SPDEF: variants seen among roughly 807,000 people sequenced by gnomAD.
The protein encoded by SPDEF is SAM pointed domain containing ETS transcription factor, also known as SAM pointed domain-containing Ets transcription factor.
In SPDEF, 12 loss-of-function variants were observed where a neutral mutation model predicts 36.0. The ratio of observed to expected loss-of-function variants is 0.33; its 90% CI spans 0.21 to 0.54. The LOEUF (loss-of-function observed/expected upper bound fraction) is 0.54, where lower values mean the gene tolerates loss of function less well. SPDEF is among the 20% of genes least tolerant of loss of function. The pLI, the probability that SPDEF is intolerant of heterozygous loss-of-function variation, is 0.93. For synonymous variants in SPDEF, 205 were observed against 193.0 expected (o/e 1.06, Z -0.51); for missense variants, 388 against 456.9 (o/e 0.85, Z 1.37).
At chr6:34,541,540 G>A (rs1767823155) in intron 2 of SPDEF, among the ~76,000 whole-genome samples, 2 of 152,150 alleles carry the variant, frequency 1.3e-5, no homozygotes, top group South Asian at 2.1e-4. Flanking sequence ...GAAACACCTG[G>A]GCTTCTCCAT....
Position 34,538,471 on chromosome 6 carries a change from G to A in SPDEF, c.830-19C>T, listed in dbSNP as rs373730176. 63 of 1,598,992 alleles carry A rather than the reference G, an allele frequency of 3.9e-5. No individual in the cohort carries two copies. Among genetic ancestry groups the A allele is most frequent in the South Asian group, 1.0e-4 (9 of 89,728 alleles). On this transcript the variant is annotated intron_variant, in intron 5 of 5. Coordinates refer to ENST00000374037, the MANE Select transcript of SPDEF (RefSeq NM_012391.3). The surrounding 1 kb of genome is among the most constrained non-coding windows in gnomAD (Gnocchi z 5.9). ...AAGATGCCTAGAGCAGGAGGGCCCC[G>A]AGAGAGCCAGTGGTATGAGTGAGGT...
At position 34,539,640 on chromosome 6, in the gene SPDEF, G is replaced by T; in HGVS notation, c.635-78C>A. ...GGAGGGGAGGCGTTTGGGTGGGACT[G>T]TGGGGCCACAGGAGCCCCTCTGTGG... On this transcript the variant is annotated intron_variant, in intron 3 of 5. Coordinates refer to ENST00000374037, the MANE Select transcript of SPDEF (RefSeq NM_012391.3). The surrounding 1 kb of genome is among the most constrained non-coding windows in gnomAD (Gnocchi z 5.2). 6.7e-7 allele frequency: 1 copy of T among 1,489,932 alleles called. No homozygotes were observed. The highest frequency in any genetic ancestry group is 9.1e-7 in the Non-Finnish European group (1 of 1,094,054). The allele number at this position is 1,489,932 out of a possible 1,614,324, so 92.3% of individuals were successfully genotyped here. A position where few individuals can be genotyped will look rare whatever the true frequency, so the allele number is the denominator to read the frequency against.
At position 34,538,169 on chromosome 6, in the gene SPDEF, G is replaced by T; in HGVS notation, c.*105C>A. The stretch of plus-strand genomic sequence containing the variant: ...TGACCTTGGGCTCTGGAAGGTCAGA[G>T]CAGCAGAGCAGACTGCCCGTTTTCC... On this transcript the variant is annotated 3_prime_UTR_variant, in exon 6 of 6. Coordinates refer to ENST00000374037, the MANE Select transcript of SPDEF (RefSeq NM_012391.3). This position sits in a 1 kb window ranked among gnomAD's most constrained non-coding sequence, Gnocchi z 5.9. 7.8e-7 allele frequency: 1 copy of T among 1,286,892 alleles called. No individual in the cohort carries two copies. The highest frequency in any genetic ancestry group is 1.1e-6 in the Non-Finnish European group (1 of 922,062). The allele number at this position is 1,286,892 out of a possible 1,614,324, so 79.7% of individuals were successfully genotyped here. A position where few individuals can be genotyped will look rare whatever the true frequency, so the allele number is the denominator to read the frequency against.
At chr6:34,543,669 A>T (rs1767876242) in intron 2 of SPDEF, among the ~76,000 whole-genome samples, 1 of 152,222 alleles carries the variant, frequency 6.6e-6, no homozygotes, top group Non-Finnish European at 1.5e-5. Flanking sequence ...AAGAAGCAGC[A>T]GCGTAGCAAA....
At position 34,556,098 on chromosome 6, in the gene SPDEF, C is replaced by A. The variant is rs1298410458; in HGVS notation, c.-199G>T. The A allele has an allele frequency of 6.6e-6, 1 of 152,334 alleles. No individual in the cohort carries two copies. The highest frequency in any genetic ancestry group is 1.5e-5 in the Non-Finnish European group (1 of 68,084). 9.4% of individuals were successfully genotyped at this position (152,334 alleles called of 1,614,324 possible). A position where few individuals can be genotyped will look rare whatever the true frequency, so the allele number is the denominator to read the frequency against. On this transcript the variant is annotated 5_prime_UTR_variant, in exon 1 of 6. Transcript: ENST00000374037. The stretch of plus-strand genomic sequence containing the variant: ...GCAGAGGCAGCACTCAGGTTGGCCA[C>A]TGGGGGCCTGGCCACCCTCAAGGGG...
intron 1 of SPDEF, among the ~76,000 whole-genome samples, chr6:34,547,835 C>G (rs1373765178): frequency 6.6e-6 from 1 of 152,172 alleles, no homozygotes; most frequent in African/African-American, 2.4e-5. Context: ...TACTCCCCAC[C>G]AAGCCTCGGT....
chr6:34,545,025 G>T (rs751842575), intron 1 of SPDEF, among the ~76,000 whole-genome samples: 1 of 152,198 alleles, frequency 6.6e-6, no homozygotes, highest in Non-Finnish European at 1.5e-5. Flanking sequence ...AGGCGGGGTA[G>T]AAACCCTCCC....
rs1767900080 is a variant in SPDEF, at chr6:34,544,336, T to G, written c.120A>C (p.Arg40Ser). The G allele has an allele frequency of 1.9e-6, 3 of 1,607,820 alleles. No individual in the cohort carries two copies. Among genetic ancestry groups the G allele is most frequent in the Non-Finnish European group, 1.7e-6 (2 of 1,179,426 alleles). Reference sequence around the variant, plus strand: ...CGGGTGGACTGGGACTCCAGTCCCGTCTCTCGAGACCCACTGCCCCCGCTG... The same window carrying G: ...CGGGTGGACTGGGACTCCAGTCCCGGCTCTCGAGACCCACTGCCCCCGCTG... The part of the protein sequence containing the change: ...KAAAGAVGLE[R>S]RDWSPSPPAT... Residue 40 changes from arginine to serine, a missense_variant, in exon 2 of 6, where the codon AGA becomes AGC. By Grantham distance (110) the Arg-to-Ser change is moderately radical. This residue lies in a region of SPDEF where 308 missense variants were observed against 326.1 expected (regional missense o/e 0.94). Transcript: ENST00000374037. The surrounding 1 kb of genome is among the most constrained non-coding windows in gnomAD (Gnocchi z 4.4).
Position 34,539,658 on chromosome 6 carries a change from C to T in SPDEF, c.635-96G>A. On this transcript the variant is annotated intron_variant, in intron 3 of 5. Transcript: ENST00000374037. The surrounding 1 kb of genome is among the most constrained non-coding windows in gnomAD (Gnocchi z 5.2). The stretch of plus-strand genomic sequence containing the variant: ...TGGGACTGTGGGGCCACAGGAGCCC[C>T]TCTGTGGCTGGGGGTTGCCCCTGTG... 3 of 1,413,450 alleles carry T rather than the reference C, an allele frequency of 2.1e-6. No individual in the cohort carries two copies. The highest frequency in any genetic ancestry group is 1.2e-5 in the South Asian group (1 of 81,246). 87.6% of individuals were successfully genotyped at this position (1,413,450 alleles called of 1,614,324 possible).
rs1767780102 is a variant in SPDEF at position 34,539,805 on chromosome 6, A to G, written c.635-243T>C. On this transcript the variant is annotated intron_variant, in intron 3 of 5. Coordinates refer to ENST00000374037, the MANE Select transcript of SPDEF (RefSeq NM_012391.3). This position sits in a 1 kb window ranked among gnomAD's most constrained non-coding sequence, Gnocchi z 5.2. ...AGGGCTTGCATGCAACCCCTTGTTCAGATGAGGACATCTGACATGGGGGCT... is the reference window on the plus strand; with the variant it reads ...AGGGCTTGCATGCAACCCCTTGTTCGGATGAGGACATCTGACATGGGGGCT... 6.6e-6 allele frequency among the ~76,000 whole-genome samples: 1 copy of G among 152,352 alleles called. No homozygotes were observed. Among genetic ancestry groups the G allele is most frequent in the Admixed American group, 6.5e-5 (1 of 15,304 alleles).
chr6:34,543,916 C>T, intron 2 of SPDEF, 104 bp downstream of exon 2: 1 of 1,152,244 alleles, frequency 8.7e-7, no homozygotes, highest in Non-Finnish European at 1.2e-6. Flanking sequence ...CGAGGCTGGG[C>T]CAGAGGTGGC....
At chr6:34,547,983 C>T (rs946895452) in intron 1 of SPDEF, among the ~76,000 whole-genome samples, 1 of 152,222 alleles carries the variant, frequency 6.6e-6, no homozygotes, top group African/African-American at 2.4e-5. Flanking sequence ...AGTAGGGGGG[C>T]TTGGCTTACT....
rs954529866 is a variant in SPDEF, at chr6:34,538,569, C to T, written c.830-117G>A. On this transcript the variant is annotated intron_variant, in intron 5 of 5. Coordinates refer to ENST00000374037, the MANE Select transcript of SPDEF (RefSeq NM_012391.3). This position sits in a 1 kb window ranked among gnomAD's most constrained non-coding sequence, Gnocchi z 5.9. ...CCAAGGGACCCCGTGCAGAGGCCTC[C>T]CCCTGCTCGGGTGGGGCGGGGTGTG... is the stretch of plus-strand genomic sequence containing the variant. The T allele has an allele frequency of 9.5e-7, 1 of 1,048,290 alleles. No individual in the cohort carries two copies. Among genetic ancestry groups the T allele is most frequent in the African/African-American group, 1.6e-5 (1 of 62,894 alleles). The allele number at this position is 1,048,290 out of a possible 1,614,324, so 64.9% of individuals were successfully genotyped here.
intron 1 of SPDEF, among the ~76,000 whole-genome samples, chr6:34,546,038 T>C (rs1054288220): frequency 6.6e-6 from 1 of 152,150 alleles, no homozygotes; most frequent in East Asian, 1.9e-4. Flanking sequence ...AAGGAACAGA[T>C]AAACCTGTTA....
chr6:34,554,884 G>A (rs908007963), intron 1 of SPDEF, among the ~76,000 whole-genome samples: 2 of 152,174 alleles, frequency 1.3e-5, no homozygotes, highest in African/African-American at 4.8e-5. Context: ...GGGAGGTTGC[G>A]GCAGGAAATG....
rs375427681 is a variant in SPDEF at position 34,544,383 on chromosome 6, G to T, written c.73C>A (p.Arg25=). The T allele has an allele frequency of 5.0e-6, 8 of 1,596,148 alleles. No individual in the cohort carries two copies. The highest frequency in any genetic ancestry group is 1.3e-5 in the African/African-American group (1 of 74,714). Residue 25 remains arginine (R), a synonymous_variant, in exon 2 of 6, where the codon CGG becomes AGG. Transcript: ENST00000374037. The surrounding 1 kb of genome is among the most constrained non-coding windows in gnomAD (Gnocchi z 4.4). ...GCTGCCGCCTTCTCCAAGCCTGTCCGCGACACCGTGTCGGGGGGCAGCAGG... is the reference window on the plus strand; with the variant it reads ...GCTGCCGCCTTCTCCAAGCCTGTCCTCGACACCGTGTCGGGGGGCAGCAGG... ...HLLLPPDTVS[R]TGLEKAAAGA...
intron 1 of SPDEF, among the ~76,000 whole-genome samples, chr6:34,550,736 T>G (rs1169518052): frequency 6.7e-5 from 8 of 118,610 alleles, no homozygotes; most frequent in South Asian, 2.7e-4. Context: ...TACAGGGGAG[T>G]GGGTGAGGCT....
chr6:34,544,198 T>C lies in SPDEF; in HGVS notation c.258A>G (p.Pro86=). 1 of 1,613,824 alleles carries C rather than the reference T, an allele frequency of 6.2e-7. No individual in the cohort carries two copies. Among genetic ancestry groups the C allele is most frequent in the Non-Finnish European group, 8.5e-7 (1 of 1,179,934 alleles). The change falls in exon 2 of 6, where the codon CCA becomes CCG. Residue 86 remains proline (P), a synonymous_variant. Transcript: ENST00000374037. This position sits in a 1 kb window ranked among gnomAD's most constrained non-coding sequence, Gnocchi z 4.4. The stretch of plus-strand genomic sequence containing the variant: ...CCGGGCACTGCTCAGGCTCCTCAGG[T>C]GGCTCCTCCCGACTGCTGGCCCCAG... ...KAPGASSREE[P]PEEPEQCPVI...
intron 1 of SPDEF, among the ~76,000 whole-genome samples, chr6:34,546,030 G>C: frequency 6.6e-6 from 1 of 152,164 alleles, no homozygotes; most frequent in East Asian, 1.9e-4. Context: ...GAGGAGGAAA[G>C]GAACAGATAA....
Sources: allele counts gnomAD v4.1 joint callset (sites outside exome capture counted in the v4.1 genomes callset), GRCh38; gene constraint gnomAD v4.1.1; regional missense constraint gnomAD v4.1.1; non-coding constraint Gnocchi (gnomAD v3.1); transcripts MANE v1.5; gene names NCBI Gene and HGNC (gene_info 2026-07-23, HGNC 2026-07-21).